TTC3: variants seen among roughly 807,000 people sequenced by gnomAD.
TTC3 encodes tetratricopeptide repeat domain 3.
Under a neutral mutation model 249.6 loss-of-function variants are expected in TTC3, and 180 were observed. The observed-to-expected ratio is 0.72, with a 90% CI of 0.64 to 0.82. TTC3 has a LOEUF of 0.82. Among genes scored for constraint, TTC3 ranks in the 40% least tolerant of loss-of-function variants. TTC3 has a pLI of 0.00. For missense variants in TTC3, 2,061 were observed against 2,398.4 expected (o/e 0.86, Z 2.94); for synonymous variants, 717 against 805.0 (o/e 0.89, Z 1.85).
intron 19 of TTC3, 36 bp downstream of exon 19, chr21:37,138,750 T>A (rs1381891192): frequency 7.2e-7 from 1 of 1,389,472 alleles, no homozygotes; most frequent in Non-Finnish European, 1.0e-6. Context: ...ACAATTAAAA[T>A]GATATTGACA....
chr21:37,140,662 G>A, exon 20 of TTC3: 2 of 1,587,908 alleles, frequency 1.3e-6, no homozygotes, highest in Non-Finnish European at 1.7e-6. Flanking sequence ...AAGTATATTT[G>A]AAAAAAAACA....
intron 10 of TTC3, chr21:37,096,956 TA>T (rs752111627): frequency 6.3e-5 from 13 of 207,948 alleles, no homozygotes; most frequent in African/African-American, 9.2e-5. Context: ...GTACCACTAG[TA>T]AATAGTGATA....
At chr21:37,123,133 G>A (rs2076763186) in intron 13 of TTC3, 105 bp downstream of exon 13, 1 of 1,195,668 alleles carries the variant, frequency 8.4e-7, no homozygotes, top group Non-Finnish European at 1.2e-6. Flanking sequence ...AGCAACCACA[G>A]TAAAGTTGGA....
At chr21:37,151,938 G>T (rs774121101) in exon 26 of TTC3, 1 of 1,605,030 alleles carries the variant, frequency 6.2e-7, no homozygotes, top group African/African-American at 1.3e-5. Context: ...TGAAGAGAAA[G>T]ATCCAAAAAA....
chr21:37,184,221 G>C (rs1337644624), intron 36 of TTC3, among the ~76,000 whole-genome samples: 2 of 152,144 alleles, frequency 1.3e-5, no homozygotes, highest in Admixed American at 1.3e-4. Context: ...TTACTAAAAA[G>C]TGTGGAAATA....
At chr21:37,122,499 T>C (rs1379157909) in intron 12 of TTC3, among the ~76,000 whole-genome samples, 1 of 148,762 alleles carries the variant, frequency 6.7e-6, no homozygotes, top group African/African-American at 2.5e-5. Context: ...AGGCTAGGAG[T>C]TGTAGATTTT....
At chr21:37,093,402 A>AAAAAAAAAG (rs1555852177) in intron 7 of TTC3, 2 of 132,254 alleles carry the variant, frequency 1.5e-5, no homozygotes, top group Non-Finnish European at 1.6e-5. Context: ...AAAAAAAAAA[A>AAAAAAAAAG]GGAAATGCTC....
intron 11 of TTC3, among the ~76,000 whole-genome samples, chr21:37,109,502 C>T (rs1401548326): frequency 1.3e-5 from 2 of 152,168 alleles, no homozygotes; most frequent in Non-Finnish European, 2.9e-5. Flanking sequence ...AAGGTGGCAG[C>T]GAGGCTGGAG....
chr21:37,075,084 A>T (rs8133274), intron 1 of TTC3, among the ~76,000 whole-genome samples: 103,131 of 151,570 alleles, frequency 0.68, 35,509 homozygotes, highest in African/African-American at 0.76. Context: ...ACTTTGATCA[A>T]GGTGAATCCA....
At chr21:37,128,971 G>T in intron 15 of TTC3, 32 bp from the exon 16 acceptor site, 1 of 1,511,128 alleles carries the variant, frequency 6.6e-7, no homozygotes. Context: ...TTTATGTACA[G>T]ATTTTAGGAA....
intron 34 of TTC3, among the ~76,000 whole-genome samples, chr21:37,169,916 A>G (rs144376422): frequency 0.01 from 1,555 of 152,186 alleles, 14 homozygotes; most frequent in East Asian, 0.03. Context: ...GGATTATTAA[A>G]TACATAGGAG....
chr21:37,148,635 T>A (rs376080507), exon 23 of TTC3: 64 of 1,590,452 alleles, frequency 4.0e-5, no homozygotes, highest in Non-Finnish European at 5.5e-5. Context: ...CCTTTAATGA[T>A]AAAATTGACA....
At chr21:37,129,282 C>T (rs749694471) in intron 16 of TTC3, among the ~76,000 whole-genome samples, 8 of 152,142 alleles carry the variant, frequency 5.3e-5, no homozygotes, top group Non-Finnish European at 1.0e-4. Context: ...CTGAAAGTCA[C>T]ATAATATGAA....
Position 37,121,991 on chromosome 21 carries a change from A to G in TTC3, c.1063+12A>G. On this transcript the variant is annotated intron_variant, in intron 12 of 45. Transcript: ENST00000355666. ...AGAAGACCTACAAGGTATTTCACCT[A>G]AGATTCTTTTGGTTACAGTCTTAAT... 1 of 1,595,562 alleles carries G rather than the reference A, an allele frequency of 6.3e-7. No homozygotes were observed. Among genetic ancestry groups the G allele is most frequent in the Non-Finnish European group, 8.5e-7 (1 of 1,171,832 alleles).
At chr21:37,120,440 A>C (rs1373618184) in intron 11 of TTC3, among the ~76,000 whole-genome samples, 1 of 152,222 alleles carries the variant, frequency 6.6e-6, no homozygotes, top group African/African-American at 2.4e-5. Flanking sequence ...CTGCAAATTT[A>C]GTAGATTTGG....
At chr21:37,095,301 A>C (rs769850371) in intron 8 of TTC3, 49 bp from the exon 9 acceptor site, 2 of 1,285,464 alleles carry the variant, frequency 1.6e-6, no homozygotes, top group East Asian at 4.7e-5. Context: ...TGGGTTCTTG[A>C]TGATTTTTGG....
chr21:37,156,434 C>G (rs1057179558), intron 27 of TTC3, among the ~76,000 whole-genome samples: 7 of 152,180 alleles, frequency 4.6e-5, no homozygotes, highest in Non-Finnish European at 7.4e-5. Flanking sequence ...CCACATTATT[C>G]AAATCTAATA....
chr21:37,136,349 T>C (rs2077938233), intron 18 of TTC3, among the ~76,000 whole-genome samples: 1 of 152,194 alleles, frequency 6.6e-6, no homozygotes, highest in African/African-American at 2.4e-5. Context: ...TTGTGCCAAA[T>C]AGCCAAATTG....
intron 19 of TTC3, among the ~76,000 whole-genome samples, chr21:37,139,355 G>T (rs1365870679): frequency 2.6e-5 from 4 of 152,110 alleles, no homozygotes; most frequent in African/African-American, 9.7e-5. Flanking sequence ...CATTAGTCAT[G>T]CTCCTGCCTG....
Sources: gnomAD v4.1 joint callset for allele counts (sites outside exome capture counted in the v4.1 genomes callset) on GRCh38, gnomAD v4.1.1 for gene constraint, MANE v1.5 for transcripts, NCBI Gene and HGNC (gene_info 2026-07-23, HGNC 2026-07-21) for gene names.